IGF2BP2: variants seen among roughly 807,000 people sequenced by gnomAD.
The protein encoded by IGF2BP2 is insulin like growth factor 2 mRNA binding protein 2, also known as insulin-like growth factor 2 mRNA-binding protein 2.
Under a neutral mutation model 75.8 loss-of-function variants are expected in IGF2BP2, and 17 were observed. The ratio of observed to expected loss-of-function variants is 0.22; its 90% CI spans 0.15 to 0.34. The LOEUF (loss-of-function observed/expected upper bound fraction) is 0.34. Among genes scored for constraint, IGF2BP2 ranks in the 10% least tolerant of loss-of-function variants. The pLI is 1.00. For missense variants in IGF2BP2, 516 were observed against 772.4 expected, an observed-to-expected ratio of 0.67 and a Z score of 3.93; for synonymous variants, 288 against 295.6, an observed-to-expected ratio of 0.97 and a Z score of 0.26.
intron 2 of IGF2BP2, among the ~76,000 whole-genome samples, chr3:185,733,673 T>C (rs1728482711): frequency 6.6e-6 from 1 of 152,082 alleles, no homozygotes; most frequent in Non-Finnish European, 1.5e-5. Flanking sequence ...GGAGAATCGC[T>C]TGAACCCGGG....
chr3:185,668,754 C>T (rs1718066802), intron 10 of IGF2BP2, among the ~76,000 whole-genome samples: 1 of 151,660 alleles, frequency 6.6e-6, no homozygotes. Context: ...TTAGCTATGA[C>T]AAATCATTAA....
intron 2 of IGF2BP2, among the ~76,000 whole-genome samples, chr3:185,805,159 A>T (rs569066177): frequency 7.9e-4 from 121 of 152,272 alleles, no homozygotes; most frequent in African/African-American, 2.8e-3. Flanking sequence ...GTACTGGCCC[A>T]GAAGTATTTC....
chr3:185,654,444 C>T (rs1715103266), intron 12 of IGF2BP2, among the ~76,000 whole-genome samples: 1 of 152,162 alleles, frequency 6.6e-6, no homozygotes, highest in Non-Finnish European at 1.5e-5. Flanking sequence ...CAGCTCCTAC[C>T]ACCACCCAAA....
chr3:185,677,483 C>CAGT (rs1719733716), intron 7 of IGF2BP2, among the ~76,000 whole-genome samples: 1 of 152,088 alleles, frequency 6.6e-6, no homozygotes. Context: ...TGCCCAAAGC[C>CAGT]AGTACACAGA....
intron 2 of IGF2BP2, among the ~76,000 whole-genome samples, chr3:185,783,240 C>G (rs1316886900): frequency 6.6e-6 from 1 of 152,208 alleles, no homozygotes; most frequent in African/African-American, 2.4e-5. Context: ...ATACAGATTT[C>G]TAAACATCTG....
intron 2 of IGF2BP2, among the ~76,000 whole-genome samples, chr3:185,764,814 CCT>C (rs1185064821): frequency 1.1e-4 from 16 of 152,160 alleles, no homozygotes; most frequent in African/African-American, 3.4e-4. Context: ...GTCAAAATCC[CCT>C]GACAGGCTTT....
chr3:185,677,044 GATATATATATATATATATATATAT>G (rs1164588813), intron 7 of IGF2BP2, among the ~76,000 whole-genome samples: 13 of 23,860 alleles, frequency 5.4e-4, no homozygotes, highest in African/African-American at 2.4e-3. Flanking sequence ...TATATATGGA[GATATATATATATATATATATATAT>G]AGAGAGAGAG....
At position 185,788,328 on chromosome 3, in the gene IGF2BP2, T is replaced by A. The variant is rs139513722; in HGVS notation, c.239+34825A>T. ...TGAGCCTAGGAGTTCAAGACCAACC[T>A]GAGCAATATAGGGAGACTTTGTCTC... On this transcript the variant is annotated intron_variant, in intron 2 of 15. Transcript: ENST00000382199. 4.0e-3 allele frequency among the ~76,000 whole-genome samples: 612 copies of A among 152,168 alleles called. 4 individuals carry two copies. The highest frequency in any genetic ancestry group is 0.014 in the African/African-American group (593 of 41,520).
intron 10 of IGF2BP2, among the ~76,000 whole-genome samples, chr3:185,663,031 G>A (rs1716727370): frequency 6.6e-6 from 1 of 152,278 alleles, no homozygotes; most frequent in African/African-American, 2.4e-5. Flanking sequence ...ATGGAAGGGG[G>A]CTTTCAAATC....
chr3:185,787,215 G>A (rs935394116), intron 2 of IGF2BP2, among the ~76,000 whole-genome samples: 12 of 152,076 alleles, frequency 7.9e-5, no homozygotes, highest in African/African-American at 2.7e-4. Context: ...AGATAGTGGC[G>A]ATGGCTGCAT....
At chr3:185,698,372 TA>T in intron 2 of IGF2BP2, 25 bp from the exon 3 acceptor site, 1 of 1,607,298 alleles carries the variant, frequency 6.2e-7, no homozygotes, top group Non-Finnish European at 8.5e-7. Context: ...CCACAGACTA[TA>T]ACACTTTCTC....
intron 3 of IGF2BP2, 106 bp from the exon 4 acceptor site, chr3:185,696,769 T>C: frequency 2.2e-6 from 2 of 914,930 alleles, no homozygotes; most frequent in Non-Finnish European, 3.6e-6. Flanking sequence ...AAAAAGATGG[T>C]TATAGGAATA....
At chr3:185,747,658 G>A (rs992710092) in intron 2 of IGF2BP2, among the ~76,000 whole-genome samples, 3 of 151,944 alleles carry the variant, frequency 2.0e-5, no homozygotes, top group East Asian at 1.9e-4. Context: ...CAGCCTGGGC[G>A]ACAGAGCAAG....
chr3:185,787,214 C>T (rs1008516543), intron 2 of IGF2BP2, among the ~76,000 whole-genome samples: 7 of 151,986 alleles, frequency 4.6e-5, no homozygotes, highest in African/African-American at 7.3e-5. Context: ...TAGATAGTGG[C>T]GATGGCTGCA....
chr3:185,765,093 T>C (rs990441146), intron 2 of IGF2BP2, among the ~76,000 whole-genome samples: 3 of 152,196 alleles, frequency 2.0e-5, no homozygotes, highest in East Asian at 1.9e-4. Context: ...TACCCGTTTA[T>C]GACTTAGGAA....
intron 2 of IGF2BP2, among the ~76,000 whole-genome samples, chr3:185,714,290 G>A (rs917297265): frequency 3.9e-5 from 6 of 151,966 alleles, no homozygotes; most frequent in Non-Finnish European, 7.4e-5. Context: ...AATTAAACTG[G>A]TCTTCTACTG....
At chr3:185,731,628 T>C (rs1728194581) in intron 2 of IGF2BP2, among the ~76,000 whole-genome samples, 1 of 152,104 alleles carries the variant, frequency 6.6e-6, no homozygotes, top group South Asian at 2.1e-4. Flanking sequence ...GCAAGTAAGT[T>C]TCAAGGACCC....
chr3:185,657,498 G>A, intron 11 of IGF2BP2, 96 bp from the exon 12 acceptor site: 2 of 921,348 alleles, frequency 2.2e-6, no homozygotes, highest in Non-Finnish European at 3.4e-6. Context: ...GAACCCCATG[G>A]TGGGAAGGCC....
intron 2 of IGF2BP2, among the ~76,000 whole-genome samples, chr3:185,715,818 G>A (rs1725526294): frequency 6.6e-6 from 1 of 151,892 alleles, no homozygotes; most frequent in Non-Finnish European, 1.5e-5. Context: ...TAATTTTTTT[G>A]TATTTTTAGT....
Sources: gnomAD v4.1 joint callset for allele counts (sites outside exome capture counted in the v4.1 genomes callset) on GRCh38, gnomAD v4.1.1 for gene constraint, MANE v1.5 for transcripts, NCBI Gene and HGNC (gene_info 2026-07-23, HGNC 2026-07-21) for gene names.